Variants in MPHOSPH8 observed in about 807,000 individuals in gnomAD.
MPHOSPH8 encodes M-phase phosphoprotein, mpp.
In MPHOSPH8, 45 loss-of-function variants were observed where a neutral mutation model predicts 87.3. The observed-to-expected ratio is 0.52, with a 90% CI of 0.41 to 0.66. The LOEUF is 0.66. MPHOSPH8 is among the 30% of genes least tolerant of loss of function. The pLI is 0.00. For missense variants in MPHOSPH8, 883 were observed against 1,020.2 expected (o/e 0.87, Z 1.83); for synonymous variants, 366 against 376.9 (o/e 0.97, Z 0.33).
intron 1 of MPHOSPH8, 27 bp downstream of exon 1, chr13:19,633,988 C>T: frequency 6.3e-7 from 1 of 1,591,028 alleles, no homozygotes; most frequent in South Asian, 1.1e-5. Flanking sequence ...CGGCGCGGGG[C>T]TGGGCGGGGA....
intron 10 of MPHOSPH8, among the ~76,000 whole-genome samples, chr13:19,667,666 A>ATGTC (rs1875890565): frequency 6.6e-6 from 1 of 152,114 alleles, no homozygotes; most frequent in Non-Finnish European, 1.5e-5. Context: ...GATTCCTTCC[A>ATGTC]TGTCTTGATA....
intron 1 of MPHOSPH8, among the ~76,000 whole-genome samples, chr13:19,640,103 AAAC>A (rs1433899558): frequency 4.6e-5 from 7 of 152,024 alleles, no homozygotes; most frequent in Admixed American, 6.6e-5. Context: ...CTTAAAAAAA[AAAC>A]AACCAAAAAG....
At position 19,661,617 on chromosome 13, in the gene MPHOSPH8, A is replaced by G. The variant is rs899370653; in HGVS notation, c.1792-81A>G. 4 of 1,424,092 alleles carry G rather than the reference A, an allele frequency of 2.8e-6. No individual in the cohort carries two copies. The African/African-American group carries it at 5.8e-5, about 21-fold the overall frequency. 88.2% of individuals were successfully genotyped at this position (1,424,092 alleles called of 1,614,324 possible). A position where few individuals can be genotyped will look rare whatever the true frequency, so the allele number is the denominator to read the frequency against. On this transcript the variant is annotated intron_variant, in intron 7 of 13. Coordinates refer to ENST00000361479, the MANE Select transcript of MPHOSPH8 (RefSeq NM_017520.4). ...GTGCCTATTAGTGATTTCACATTGA[A>G]ACATCTCGAGTGAGAAGACTTGGTT...
intron 2 of MPHOSPH8, among the ~76,000 whole-genome samples, chr13:19,643,670 A>G (rs772761748): frequency 2.6e-5 from 4 of 152,126 alleles, no homozygotes; most frequent in Non-Finnish European, 5.9e-5. Flanking sequence ...TTTTGGCACC[A>G]GTACATTTTC....
chr13:19,650,372 G>C, intron 5 of MPHOSPH8, 112 bp downstream of exon 5: 1 of 1,245,600 alleles, frequency 8.0e-7, no homozygotes. Flanking sequence ...GAGTCGAAGA[G>C]TTTATTTGGA....
intron 10 of MPHOSPH8, among the ~76,000 whole-genome samples, chr13:19,666,904 G>C (rs930995798): frequency 6.6e-6 from 1 of 152,166 alleles, no homozygotes; most frequent in African/African-American, 2.4e-5. Flanking sequence ...GCTCACGCTT[G>C]TAATCCTAGT....
chr13:19,640,143 T>TGG (rs1874214709), intron 1 of MPHOSPH8, among the ~76,000 whole-genome samples: 1 of 151,982 alleles, frequency 6.6e-6, no homozygotes, highest in African/African-American at 2.4e-5. Flanking sequence ...GGTAAGACAC[T>TGG]GGGTTTGAAT....
At chr13:19,667,753 T>C (rs994770851) in intron 10 of MPHOSPH8, among the ~76,000 whole-genome samples, 3 of 152,250 alleles carry the variant, frequency 2.0e-5, no homozygotes, top group Admixed American at 1.3e-4. Context: ...GTTCATTCTT[T>C]TTCAAATAAA....
intron 9 of MPHOSPH8, 87 bp from the exon 10 acceptor site, chr13:19,666,338 G>A: frequency 7.3e-7 from 1 of 1,366,580 alleles, no homozygotes; most frequent in East Asian, 2.3e-5. Context: ...TCTCTTCACA[G>A]AACCGCTAAG....
intron 1 of MPHOSPH8, among the ~76,000 whole-genome samples, chr13:19,636,428 A>G (rs1874011412): frequency 6.6e-6 from 1 of 152,202 alleles, no homozygotes; most frequent in Non-Finnish European, 1.5e-5. Flanking sequence ...CATTATTTAT[A>G]ATTTATTTGG....
rs368278971 is a variant in MPHOSPH8 at position 19,648,471 on chromosome 13, A to G, written c.1268A>G (p.His423Arg). The G allele has an allele frequency of 6.3e-7, 1 of 1,587,764 alleles. No homozygotes were observed. Among genetic ancestry groups the G allele is most frequent in the East Asian group, 2.3e-5 (1 of 42,836 alleles). The change falls in exon 4 of 14, where the codon CAT (histidine) becomes CGT (arginine). Residue 423 changes from histidine (H) to arginine (R), a missense_variant. This residue lies in a region of MPHOSPH8 where 741 missense variants were observed against 841.5 expected (regional missense o/e 0.88). Transcript: ENST00000361479. Reference protein sequence around the residue: ...NESKEKYQKRHDSDKEEKGRK... With the variant: ...NESKEKYQKRRDSDKEEKGRK... ...TCCAAAGAAAAATATCAGAAAAGGC[A>G]TGATTCTGACAAGGAAGAAAAAGGC...
intron 9 of MPHOSPH8, among the ~76,000 whole-genome samples, chr13:19,663,893 G>C (rs1385033096): frequency 6.6e-6 from 1 of 152,230 alleles, no homozygotes; most frequent in African/African-American, 2.4e-5. Context: ...GTAAGCAAAA[G>C]AGCACAGCCA....
chr13:19,666,639 C>T, intron 10 of MPHOSPH8, 60 bp downstream of exon 10: 4 of 1,447,816 alleles, frequency 2.8e-6, no homozygotes, highest in South Asian at 1.5e-5. Flanking sequence ...TTTATGTAGA[C>T]ATATTATAAT....
chr13:19,656,466 A>G (rs1875180521), intron 5 of MPHOSPH8, among the ~76,000 whole-genome samples: 1 of 152,168 alleles, frequency 6.6e-6, no homozygotes, highest in Non-Finnish European at 1.5e-5. Context: ...TTTTTAAAAG[A>G]TACAGTTTTC....
intron 9 of MPHOSPH8, 106 bp from the exon 10 acceptor site, chr13:19,666,319 C>A: frequency 8.3e-7 from 1 of 1,203,860 alleles, no homozygotes; most frequent in South Asian, 1.8e-5. Context: ...TCTTCCATGG[C>A]CTGTGCCCTC....
chr13:19,667,865 G>C (rs111750423), intron 10 of MPHOSPH8, among the ~76,000 whole-genome samples: 1 of 152,116 alleles, frequency 6.6e-6, no homozygotes, highest in Non-Finnish European at 1.5e-5. Context: ...AAACTTGCAT[G>C]TATCAGACAG....
rs752124602 is a variant in MPHOSPH8 at position 19,666,520 on chromosome 13, C to T, written c.2115C>T (p.His705=). The change falls in exon 10 of 14, where the codon CAC becomes CAT. Residue 705 remains histidine, a synonymous_variant. Transcript: ENST00000361479. ...CAAAGCACCAGAATAGTGCCCTGCA[C>T]TTTGCGAAGCAGTCTAACAATGTGC... ...ILSKHQNSAL[H]FAKQSNNVLV... 3.7e-6 allele frequency: 6 copies of T among 1,606,958 alleles called. 1 individual carries two copies. The Middle Eastern group carries it at 6.6e-4, about 177-fold the overall frequency.
Position 19,671,265 on chromosome 13 carries a change from G to A in MPHOSPH8, c.2517G>A (p.Arg839=), listed in dbSNP as rs1240683975. ...CAGGTCCCAATAAACTCTTCATAAG[G>A]TTGACAGAAGCACCCTCTGCCAAGG... ...PVAGPNKLFI[R]LTEAPSAKVK... is the part of the protein sequence containing the mutation. Residue 839 remains arginine, a synonymous_variant, in exon 13 of 14, where the codon AGG becomes AGA. Transcript: ENST00000361479. The A allele has an allele frequency of 1.2e-6, 2 of 1,613,728 alleles. No homozygotes were observed. Among genetic ancestry groups the A allele is most frequent in the Non-Finnish European group, 1.7e-6 (2 of 1,179,814 alleles).
chr13:19,658,794 A>G (rs780555507), intron 5 of MPHOSPH8, among the ~76,000 whole-genome samples: 45 of 152,170 alleles, frequency 3.0e-4, no homozygotes, highest in Non-Finnish European at 5.4e-4. Context: ...TCAGAGTACC[A>G]TGGCTTCTAA....
Sources: allele counts gnomAD v4.1 joint callset (sites outside exome capture counted in the v4.1 genomes callset), GRCh38; gene constraint gnomAD v4.1.1; regional missense constraint gnomAD v4.1.1; transcripts MANE v1.5; gene names NCBI Gene and HGNC (gene_info 2026-07-23, HGNC 2026-07-21).